The following PRKCE variants were observed in gnomAD, a reference collection of about 807,000 sequenced individuals.
PRKCE encodes protein kinase C epsilon type.
Under a neutral mutation model 85.4 loss-of-function variants are expected in PRKCE, and 16 were observed. That is an observed-to-expected ratio of 0.19 (90% CI 0.13 to 0.28). The LOEUF (loss-of-function observed/expected upper bound fraction) is 0.28, where lower values mean the gene tolerates loss of function less well. Among genes scored for constraint, PRKCE ranks in the 10% least tolerant of loss-of-function variants. PRKCE has a pLI of 1.00. For missense variants in PRKCE, 573 were observed against 975.2 expected (o/e 0.59, Z 5.49); for synonymous variants, 388 against 371.5 (o/e 1.04, Z -0.51).
intron 6 of PRKCE, among the ~76,000 whole-genome samples, chr2:45,997,404 A>C (rs1413550849): frequency 1.3e-5 from 2 of 152,050 alleles, no homozygotes; most frequent in African/African-American, 4.8e-5. Context: ...GTTTCCTAAG[A>C]TAGAGGCTTA....
At chr2:45,791,525 T>C (rs1687030089) in intron 1 of PRKCE, among the ~76,000 whole-genome samples, 1 of 152,198 alleles carries the variant, frequency 6.6e-6, no homozygotes, top group Admixed American at 6.5e-5. Context: ...TTCCATATCC[T>C]CTTTCTTTTA....
chr2:45,832,760 G>A (rs1339174521), intron 1 of PRKCE, among the ~76,000 whole-genome samples: 1 of 152,182 alleles, frequency 6.6e-6, no homozygotes, highest in East Asian at 1.9e-4. Flanking sequence ...TCCACTTGGA[G>A]AACCCGGCTT....
intron 10 of PRKCE, among the ~76,000 whole-genome samples, chr2:46,083,126 T>C (rs1449543585): frequency 1.3e-5 from 2 of 152,198 alleles, no homozygotes; most frequent in African/African-American, 4.8e-5. Flanking sequence ...TAATTTTGTA[T>C]TTTTTGTATA....
chr2:46,062,924 C>T (rs912764743), intron 10 of PRKCE, among the ~76,000 whole-genome samples: 8 of 152,160 alleles, frequency 5.3e-5, no homozygotes, highest in Non-Finnish European at 1.0e-4. Context: ...CCACTGCGCC[C>T]GGCCTCAGCT....
intron 10 of PRKCE, among the ~76,000 whole-genome samples, chr2:46,043,782 T>A (rs1708354408): frequency 6.6e-6 from 1 of 152,268 alleles, no homozygotes; most frequent in Admixed American, 6.5e-5. Context: ...AAGGAGTTTC[T>A]CTTCATCCAT....
intron 2 of PRKCE, among the ~76,000 whole-genome samples, chr2:45,950,637 C>T (rs1261328815): frequency 2.0e-5 from 3 of 152,082 alleles, no homozygotes; most frequent in African/African-American, 7.2e-5. Context: ...TGATGATGCC[C>T]AGGCCAAGTG....
chr2:45,831,297 C>G (rs1690402572), intron 1 of PRKCE, among the ~76,000 whole-genome samples: 1 of 152,180 alleles, frequency 6.6e-6, no homozygotes, highest in African/African-American at 2.4e-5. Flanking sequence ...GATTTTAGAA[C>G]TAATGTATAC....
intron 2 of PRKCE, among the ~76,000 whole-genome samples, chr2:45,902,499 T>C (rs1696653314): frequency 6.6e-6 from 1 of 152,092 alleles, no homozygotes; most frequent in Non-Finnish European, 1.5e-5. Flanking sequence ...AAAAGTCAAA[T>C]CAGGATATTT....
At chr2:45,984,403 C>T (rs1484000663) in intron 5 of PRKCE, 148 bp from the exon 6 acceptor site, 7 of 1,133,124 alleles carry the variant, frequency 6.2e-6, no homozygotes, top group Non-Finnish European at 7.5e-6. Context: ...GCTCTTTTCA[C>T]CTCAGGGCAG....
At chr2:45,815,268 A>T (rs944174911) in intron 1 of PRKCE, among the ~76,000 whole-genome samples, 1 of 152,172 alleles carries the variant, frequency 6.6e-6, no homozygotes, top group Non-Finnish European at 1.5e-5. Flanking sequence ...GTTTATCCAG[A>T]AATAATTTGA....
chr2:46,112,650 G>C (rs1672384107), intron 11 of PRKCE, among the ~76,000 whole-genome samples: 1 of 152,156 alleles, frequency 6.6e-6, no homozygotes. Context: ...ACCCCAAGTA[G>C]CTGGGATTAC....
chr2:46,123,148 CA>C (rs71394873), intron 11 of PRKCE, among the ~76,000 whole-genome samples: 91 of 84,294 alleles, frequency 1.1e-3, no homozygotes, highest in African/African-American at 3.9e-3. Context: ...AGTTCACTAG[CA>C]AAAAAAAAAA....
chr2:46,134,627 C>G (rs957255526), intron 11 of PRKCE, among the ~76,000 whole-genome samples: 1 of 152,254 alleles, frequency 6.6e-6, no homozygotes, highest in Non-Finnish European at 1.5e-5. Context: ...CAGCTGCCTT[C>G]GCTTCCTGGA....
intron 13 of PRKCE, among the ~76,000 whole-genome samples, chr2:46,154,777 C>G (rs1179031926): frequency 6.6e-6 from 1 of 151,206 alleles, no homozygotes; most frequent in Admixed American, 6.6e-5. Context: ...GTCCCCTTCC[C>G]TATCCACCTT....
chr2:45,941,018 A>G (rs1206066335), intron 2 of PRKCE, among the ~76,000 whole-genome samples: 2 of 144,526 alleles, frequency 1.4e-5, no homozygotes, highest in Non-Finnish European at 3.0e-5. Context: ...GTGAGCCAAG[A>G]TCATGCCACT....
At chr2:45,839,079 G>A (rs1293553730) in intron 1 of PRKCE, among the ~76,000 whole-genome samples, 1 of 151,872 alleles carries the variant, frequency 6.6e-6, no homozygotes, top group African/African-American at 2.4e-5. Context: ...AGGCCGCTAA[G>A]TTTGCTCTTA....
chr2:45,872,524 G>A (rs1160581353), intron 2 of PRKCE, among the ~76,000 whole-genome samples: 1 of 152,206 alleles, frequency 6.6e-6, no homozygotes, highest in East Asian at 1.9e-4. Flanking sequence ...TGGGCAGCAA[G>A]GCAGAACCAG....
intron 2 of PRKCE, among the ~76,000 whole-genome samples, chr2:45,872,945 T>G (rs1038698832): frequency 6.6e-6 from 1 of 152,120 alleles, no homozygotes; most frequent in African/African-American, 2.4e-5. Context: ...ACCTGGGAGC[T>G]GGAAGGGTCC....
In PRKCE at chr2:45,652,363, C is replaced by T; in HGVS notation, c.263C>T (p.Pro88Leu). 6.2e-7 allele frequency: 1 copy of T among 1,613,628 alleles called. No individual in the cohort carries two copies. The highest frequency in any genetic ancestry group is 8.5e-7 in the Non-Finnish European group (1 of 1,180,030). ...KIELAVFHDA[P>L]IGYDDFVANC... ...GAGCTGGCTGTCTTTCACGATGCCC[C>T]CATAGGCTACGACGACTTCGTGGCC... The change falls in exon 1 of 15, where the codon CCC becomes CTC. Residue 88 changes from proline (P) to leucine (L), a missense_variant. Physicochemically the swap from Pro to Leu is moderately conservative, Grantham distance 98. This residue lies in a region of PRKCE where 100 missense variants were observed against 177.1 expected (regional missense o/e 0.56). Coordinates refer to ENST00000306156, the MANE Select transcript of PRKCE (RefSeq NM_005400.3). The surrounding 1 kb of genome is among the most constrained non-coding windows in gnomAD (Gnocchi z 7.7).
Sources: gnomAD v4.1 joint callset for allele counts (sites outside exome capture counted in the v4.1 genomes callset) on GRCh38, gnomAD v4.1.1 for gene constraint, gnomAD v4.1.1 regional missense constraint, Gnocchi (gnomAD v3.1) non-coding constraint, MANE v1.5 for transcripts, NCBI Gene and HGNC (gene_info 2026-07-23, HGNC 2026-07-21) for gene names.